Variants in ARSG observed in about 807,000 individuals in gnomAD.
The protein encoded by ARSG is ASG.
In ARSG, 37 loss-of-function variants were observed where a neutral mutation model predicts 50.5. The observed-to-expected ratio is 0.73, with a 90% CI of 0.56 to 0.96. The LOEUF (loss-of-function observed/expected upper bound fraction) is 0.96, where lower values mean the gene tolerates loss of function less well. Among genes scored for constraint, ARSG ranks in the 50% least tolerant of loss-of-function variants. The probability of loss-of-function intolerance (pLI) is 0.00; values close to 1 mark genes in which losing one functional copy is unlikely to be tolerated. For missense variants in ARSG, 629 were observed against 675.3 expected (o/e 0.93, Z 0.76); for synonymous variants, 225 against 254.6 (o/e 0.88, Z 1.11).
At chr17:68,428,898 C>A in the ARSG span, 145 of 1,614,160 alleles carry the variant, frequency 9.0e-5, no homozygotes, top group Admixed American at 8.3e-4. Context: ...AAGGTGTCCA[C>A]TGGATGACGC....
intron 6 of ARSG, among the ~76,000 whole-genome samples, chr17:68,368,335 G>A (rs1052731774): frequency 8.5e-5 from 13 of 152,214 alleles, no homozygotes; most frequent in African/African-American, 3.1e-4. Context: ...TAAATGATAA[G>A]GGATAGTAAC....
At chr17:68,376,730 G>A (rs1334438425) in intron 8 of ARSG, among the ~76,000 whole-genome samples, 2 of 151,904 alleles carry the variant, frequency 1.3e-5, no homozygotes, top group African/African-American at 2.4e-5. Flanking sequence ...GGGGAGCTGA[G>A]AACAAGGAGA....
chr17:68,439,108 A>G, the ARSG span, among the ~76,000 whole-genome samples: 1 of 152,198 alleles, frequency 6.6e-6, no homozygotes, highest in Non-Finnish European at 1.5e-5. Context: ...AAGTTCTCAT[A>G]TGACCTAGAA....
rs114213345 is a variant in ARSG, at chr17:68,385,244, A to G, written c.1091+72A>G. ...AAGTCATGGAGGCATGGGTGGCTAG[A>G]TGGAGGCATGGGTGGCTAGATGGAG... On this transcript the variant is annotated intron_variant, in intron 9 of 11. Coordinates refer to ENST00000621439, the MANE Select transcript of ARSG (RefSeq NM_001267727.2). 3.1e-3 allele frequency: 4,234 copies of G among 1,362,486 alleles called. 91 individuals are homozygous for G. In the African/African-American group the frequency reaches 0.053, roughly 17 times the overall value. The allele number at this position is 1,362,486 out of a possible 1,614,324, so 84.4% of individuals were successfully genotyped here.
intron 6 of ARSG, among the ~76,000 whole-genome samples, chr17:68,361,668 C>T (rs1035941660): frequency 1.3e-5 from 2 of 152,214 alleles, no homozygotes; most frequent in African/African-American, 2.4e-5. Flanking sequence ...AATCCCAGCA[C>T]TTTGGGAGGC....
chr17:68,434,594 A>T, the ARSG span: 1 of 1,614,054 alleles, frequency 6.2e-7, no homozygotes, highest in Non-Finnish European at 8.5e-7. Flanking sequence ...GCTTTTGCCC[A>T]TCAGGGACAG....
downstream of ARSG, among the ~76,000 whole-genome samples, chr17:68,425,196 C>T (rs1359632405): frequency 6.6e-6 from 1 of 152,110 alleles, no homozygotes; most frequent in Non-Finnish European, 1.5e-5. Flanking sequence ...CTCCACAGAG[C>T]ACACAATTGC....
the ARSG span, among the ~76,000 whole-genome samples, chr17:68,431,799 G>A: frequency 1.1e-4 from 1 of 9,196 alleles, no homozygotes; most frequent in Admixed American, 1.3e-3. Flanking sequence ...GAACAGCTTG[G>A]AGGTTCTGCT....
chr17:68,371,075 C>T (rs2079815690), intron 8 of ARSG, among the ~76,000 whole-genome samples: 1 of 151,988 alleles, frequency 6.6e-6, no homozygotes, highest in South Asian at 2.1e-4. Flanking sequence ...AATCCCAGCA[C>T]TTTGGGAAGC....
At position 68,306,947 on chromosome 17, in the gene ARSG, C is replaced by T. The variant is rs1272515431; in HGVS notation, c.-547C>T. The T allele has an allele frequency of 5.9e-5, 9 of 152,246 alleles. No homozygotes were observed. Among genetic ancestry groups the T allele is most frequent in the Non-Finnish European group, 1.5e-5 (1 of 68,124 alleles). The allele number at this position is 152,246 out of a possible 1,614,324, so 9.4% of individuals were successfully genotyped here. The stretch of plus-strand genomic sequence containing the variant: ...TGTCAATTTTTGTTCTTTCAGGAAA[C>T]CTTACAGAAACATGAAGCCCTCAAC... On this transcript the variant is annotated 5_prime_UTR_variant, in exon 2 of 12. Coordinates refer to ENST00000621439, the MANE Select transcript of ARSG (RefSeq NM_001267727.2).
chr17:68,292,493 C>T (rs370119487), intron 1 of ARSG, among the ~76,000 whole-genome samples: 70 of 152,328 alleles, frequency 4.6e-4, no homozygotes, highest in African/African-American at 1.7e-3. Flanking sequence ...TACCTCACAT[C>T]CCGAGGGCAA....
rs377373607 is a variant in ARSG at position 68,330,984 on chromosome 17, G to C, written c.219-12620G>C. 3.1e-3 allele frequency among the ~76,000 whole-genome samples: 406 copies of C among 130,144 alleles called. 7 individuals are homozygous for C. Among genetic ancestry groups the C allele is most frequent in the Middle Eastern group, 0.012 (3 of 250 alleles). The allele number at this position is 130,144 out of a possible 152,430, so 85.4% of individuals were successfully genotyped here. ...CTTTATTTCTTTTTTTTTGCGGGGG[G>C]GGGGGGAGGTGGTGGGCGGGGACAG... On this transcript the variant is annotated intron_variant, in intron 2 of 11. Transcript: ENST00000621439.
At chr17:68,350,405 G>A (rs928430968) in intron 4 of ARSG, among the ~76,000 whole-genome samples, 12 of 152,218 alleles carry the variant, frequency 7.9e-5, no homozygotes, top group African/African-American at 2.9e-4. Context: ...GAGAGCTGAA[G>A]CAGTTACCTG....
chr17:68,394,507 C>T lies in ARSG; in HGVS notation c.1092-566C>T, dbSNP rs1034055229. On this transcript the variant is annotated intron_variant, in intron 9 of 11. Coordinates refer to ENST00000621439, the MANE Select transcript of ARSG (RefSeq NM_001267727.2). ...AAGAAATCTTGTAGGTGTGGTGGTACATGCTTGTAGTCCCAGCTACTCTTG... is the reference window on the plus strand; with the variant it reads ...AAGAAATCTTGTAGGTGTGGTGGTATATGCTTGTAGTCCCAGCTACTCTTG... Among the ~76,000 whole-genome samples, 5 of 152,230 alleles carry T rather than the reference C, an allele frequency of 3.3e-5. No individual in the cohort carries two copies. The East Asian group carries it at 7.7e-4, about 23-fold the overall frequency.
intron 7 of ARSG, among the ~76,000 whole-genome samples, chr17:68,369,137 G>A (rs780865979): frequency 3.3e-5 from 5 of 152,290 alleles, no homozygotes; most frequent in South Asian, 2.1e-4. Flanking sequence ...CCCGTGTCAC[G>A]TCTTTTGGCT....
the ARSG span, chr17:68,435,756 G>A: frequency 1.9e-6 from 3 of 1,576,268 alleles, no homozygotes; most frequent in South Asian, 3.3e-5. Flanking sequence ...TGCGGAGGAG[G>A]GAAGATGGAT....
downstream of ARSG, among the ~76,000 whole-genome samples, chr17:68,425,052 T>A (rs1237944708): frequency 1.3e-5 from 2 of 152,178 alleles, no homozygotes; most frequent in Non-Finnish European, 2.9e-5. Context: ...TTGTCTTCAG[T>A]TCCAGGTGAT....
intron 6 of ARSG, among the ~76,000 whole-genome samples, chr17:68,363,388 G>A (rs1485896384): frequency 6.6e-6 from 1 of 152,172 alleles, no homozygotes; most frequent in Non-Finnish European, 1.5e-5. Context: ...GACGGAGATA[G>A]GGAAAGCTGC....
chr17:68,402,999 G>C (rs1212383473), intron 11 of ARSG, among the ~76,000 whole-genome samples: 1 of 152,168 alleles, frequency 6.6e-6, no homozygotes, highest in African/African-American at 2.4e-5. Context: ...ACTTGATTCA[G>C]TTATTTAATG....
Sources: allele counts gnomAD v4.1 joint callset (sites outside exome capture counted in the v4.1 genomes callset), GRCh38; gene constraint gnomAD v4.1.1; transcripts MANE v1.5; gene names NCBI Gene and HGNC (gene_info 2026-07-23, HGNC 2026-07-21).